TANC2: variants seen among roughly 807,000 people sequenced by gnomAD.
The protein encoded by TANC2 is tetratricopeptide repeat, ankyrin repeat and coiled-coil containing 2, also known as protein TANC2.
In TANC2, 26 loss-of-function variants were observed where a neutral mutation model predicts 210.5. The observed-to-expected ratio is 0.12, with a 90% CI of 0.09 to 0.17. TANC2 has a LOEUF of 0.17. Ranked by LOEUF, TANC2 falls within the 10% of genes least tolerant of loss-of-function variation. TANC2 has a pLI of 1.00. For synonymous variants in TANC2, 931 were observed against 967.1 expected (o/e 0.96, Z 0.69); for missense variants, 2,129 against 2,608.9 (o/e 0.82, Z 4.01).
chr17:63,142,248 A>G (rs1316353826), intron 4 of TANC2, among the ~76,000 whole-genome samples: 2 of 152,148 alleles, frequency 1.3e-5, no homozygotes, highest in Non-Finnish European at 2.9e-5. Flanking sequence ...TTGTGGTAAG[A>G]TGTTTAATTA....
chr17:63,280,075 T>G (rs2044014402), intron 9 of TANC2, among the ~76,000 whole-genome samples: 1 of 152,090 alleles, frequency 6.6e-6, no homozygotes, highest in South Asian at 2.1e-4. Context: ...ACGTAAAGCT[T>G]TTTTTAGCAC....
rs1374227177 is a variant in TANC2 at position 63,388,741 on chromosome 17, A to G, written c.2798A>G (p.Tyr933Cys). The change falls in exon 16 of 28, where the codon TAC (tyrosine) becomes TGC (cysteine). Residue 933 changes from tyrosine to cysteine, a missense_variant. Physicochemically the swap from Tyr to Cys is radical, Grantham distance 194. Coordinates refer to ENST00000689528, the Ensembl canonical transcript of TANC2. ...GCACTGGCGTCTTTACGAAATCTCT[A>G]CACTCCAAATATAAAGGTAAATTTA... 1.3e-6 allele frequency: 2 copies of G among 1,558,328 alleles called. No homozygotes were observed. Among genetic ancestry groups the G allele is most frequent in the Non-Finnish European group, 1.7e-6 (2 of 1,150,226 alleles).
intron 2 of TANC2, among the ~76,000 whole-genome samples, chr17:63,057,876 C>T (rs368017331): frequency 1.3e-4 from 20 of 152,158 alleles, no homozygotes; most frequent in African/African-American, 4.8e-4. Context: ...TTATTGTGAA[C>T]AGTGCTGTAA....
intron 7 of TANC2, 61 bp from the exon 8 acceptor site, chr17:63,237,753 C>T: frequency 6.9e-7 from 1 of 1,441,676 alleles, no homozygotes. Context: ...TCAACTTTGT[C>T]AAAGATTAAT....
chr17:63,159,003 G>A (rs1014235499), intron 5 of TANC2, among the ~76,000 whole-genome samples: 3 of 152,162 alleles, frequency 2.0e-5, no homozygotes, highest in Non-Finnish European at 1.5e-5. Context: ...CTATGTGGGC[G>A]TCTCCGTAGG....
chr17:63,203,703 A>G (rs1464481308), intron 7 of TANC2, among the ~76,000 whole-genome samples: 1 of 152,216 alleles, frequency 6.6e-6, no homozygotes, highest in Non-Finnish European at 1.5e-5. Context: ...AAATCCAAAG[A>G]GAAGAAAACA....
At chr17:62,981,400 T>G (rs2032292392) in intron 1 of TANC2, among the ~76,000 whole-genome samples, 1 of 152,176 alleles carries the variant, frequency 6.6e-6, no homozygotes, top group Non-Finnish European at 1.5e-5. Context: ...CCTGTAATTC[T>G]TCCTCTTTTC....
chr17:63,046,871 A>G (rs1013196008), intron 2 of TANC2, among the ~76,000 whole-genome samples: 1 of 152,186 alleles, frequency 6.6e-6, no homozygotes, highest in Non-Finnish European at 1.5e-5. Context: ...TTGACTTTGT[A>G]TTACTTTGAT....
At chr17:63,195,163 A>G (rs1211705988) in intron 6 of TANC2, among the ~76,000 whole-genome samples, 1 of 152,202 alleles carries the variant, frequency 6.6e-6, no homozygotes, top group African/African-American at 2.4e-5. Flanking sequence ...TGGTTTTGCT[A>G]GCTGCACATT....
intron 27 of TANC2, 88 bp from the exon 28 acceptor site, chr17:63,419,907 GCTCT>G: frequency 7.1e-7 from 1 of 1,404,382 alleles, no homozygotes; most frequent in Non-Finnish European, 9.4e-7. Context: ...CGCCACCACA[GCTCT>G]CTGAGATAGT....
chr17:63,173,546 G>A (rs2040481181), intron 5 of TANC2, among the ~76,000 whole-genome samples: 1 of 152,168 alleles, frequency 6.6e-6, no homozygotes. Flanking sequence ...CCTGCCTGTA[G>A]CTTCTCCAAG....
chr17:63,234,357 A>C (rs2042562585), intron 7 of TANC2, among the ~76,000 whole-genome samples: 1 of 152,228 alleles, frequency 6.6e-6, no homozygotes, highest in African/African-American at 2.4e-5. Context: ...TTCTTGGCTT[A>C]AATAATTTCC....
intron 19 of TANC2, among the ~76,000 whole-genome samples, chr17:63,401,807 A>G (rs1273969693): frequency 6.6e-6 from 1 of 152,138 alleles, no homozygotes; most frequent in Non-Finnish European, 1.5e-5. Context: ...GCTTCTAGCA[A>G]CTCTGGAGGC....
Position 63,420,860 on chromosome 17 carries a change from C to T in TANC2, c.5130C>T (p.Thr1710=), listed in dbSNP as rs760259565. ...CCAGCCCAGCCGTCCATTCAAGCAC[C>T]GTCATCCCCACAGGAGCCTATGGCC... is the stretch of plus-strand genomic sequence containing the variant. Residue 1710 remains threonine, a synonymous_variant, in exon 28 of 28, where the codon ACC becomes ACT. Coordinates refer to ENST00000689528, the Ensembl canonical transcript of TANC2. The surrounding 1 kb of genome is among the most constrained non-coding windows in gnomAD (Gnocchi z 4.2). The T allele has an allele frequency of 6.8e-6, 11 of 1,613,914 alleles. No individual in the cohort carries two copies. Among genetic ancestry groups the T allele is most frequent in the South Asian group, 2.2e-5 (2 of 91,084 alleles).
chr17:63,071,653 AC>A (rs2036402166), intron 2 of TANC2, among the ~76,000 whole-genome samples: 1 of 152,026 alleles, frequency 6.6e-6, no homozygotes. Context: ...TTTGGGAAAA[AC>A]ATTTTTTTTT....
intron 5 of TANC2, chr17:63,152,876 ATTAT>A (rs1279104745): frequency 6.6e-6 from 1 of 152,028 alleles, no homozygotes; most frequent in Non-Finnish European, 1.5e-5. Flanking sequence ...TACTCAGGTG[ATTAT>A]TTATGTATAT....
chr17:63,363,838 A>T (rs1419775014), intron 14 of TANC2, among the ~76,000 whole-genome samples: 1 of 152,110 alleles, frequency 6.6e-6, no homozygotes, highest in Non-Finnish European at 1.5e-5. Flanking sequence ...TGGGTCTTTC[A>T]CTAACACTTG....
chr17:63,374,731 G>A (rs1446569359), intron 14 of TANC2, among the ~76,000 whole-genome samples: 2 of 152,106 alleles, frequency 1.3e-5, no homozygotes, highest in Non-Finnish European at 2.9e-5. Flanking sequence ...AAGGTAAAAA[G>A]GTAAAGACAG....
chr17:63,208,975 A>G (rs2041804095), intron 7 of TANC2, among the ~76,000 whole-genome samples: 2 of 151,592 alleles, frequency 1.3e-5, no homozygotes, highest in South Asian at 2.1e-4. Context: ...TATATCATGT[A>G]TTATTTATTG....
Sources: allele counts gnomAD v4.1 joint callset (sites outside exome capture counted in the v4.1 genomes callset), GRCh38; gene constraint gnomAD v4.1.1; non-coding constraint Gnocchi (gnomAD v3.1); transcripts MANE v1.5; gene names NCBI Gene and HGNC (gene_info 2026-07-23, HGNC 2026-07-21).